The following FSHR variants were observed in gnomAD, a reference collection of about 807,000 sequenced individuals.
The protein encoded by FSHR is follicle-stimulating hormone receptor.
In FSHR, 46 loss-of-function variants were observed where a neutral mutation model predicts 52.1. That is an observed-to-expected ratio of 0.88 (90% CI 0.70 to 1.13). The LOEUF (loss-of-function observed/expected upper bound fraction) is 1.13. Ranked by LOEUF, FSHR falls within the 50% of genes most tolerant of loss-of-function variation. The probability of loss-of-function intolerance (pLI) is 0.00; values close to 1 mark genes in which losing one functional copy is unlikely to be tolerated. For missense variants in FSHR, 964 were observed against 834.6 expected, an observed-to-expected ratio of 1.16 and a Z score of -1.91; for synonymous variants, 399 against 309.6, an observed-to-expected ratio of 1.29 and a Z score of -3.03.
intron 1 of FSHR, among the ~76,000 whole-genome samples, chr2:49,099,304 A>C (rs1431597142): frequency 2.0e-5 from 3 of 152,010 alleles, no homozygotes; most frequent in African/African-American, 7.3e-5. Flanking sequence ...GTGGTTTTAT[A>C]AAGGGTTTCC....
At chr2:49,087,851 G>A (rs766316843) in intron 1 of FSHR, among the ~76,000 whole-genome samples, 3 of 152,182 alleles carry the variant, frequency 2.0e-5, no homozygotes, top group Non-Finnish European at 4.4e-5. Flanking sequence ...TGATAAGACA[G>A]ACACATTTCC....
intron 6 of FSHR, among the ~76,000 whole-genome samples, chr2:48,986,670 T>A (rs1675530249): frequency 6.6e-6 from 1 of 152,184 alleles, no homozygotes; most frequent in African/African-American, 2.4e-5. Context: ...TTCTGAGAGA[T>A]CAGTGTCCAT....
At chr2:49,133,188 C>T (rs1281847217) in intron 1 of FSHR, among the ~76,000 whole-genome samples, 1 of 152,100 alleles carries the variant, frequency 6.6e-6, no homozygotes, top group African/African-American at 2.4e-5. Context: ...CTGCCCGTTG[C>T]TGAGGCTAAG....
At chr2:49,002,453 G>C (rs897568210) in intron 4 of FSHR, among the ~76,000 whole-genome samples, 40 of 152,092 alleles carry the variant, frequency 2.6e-4, no homozygotes, top group African/African-American at 7.5e-4. Flanking sequence ...TTATAAAAGA[G>C]AGAGGTTTAA....
chr2:49,016,923 T>A (rs895999137), intron 4 of FSHR, among the ~76,000 whole-genome samples: 1 of 152,188 alleles, frequency 6.6e-6, no homozygotes, highest in Admixed American at 6.6e-5. Context: ...ATAACACTCA[T>A]GGCTCTGTCA....
intron 6 of FSHR, among the ~76,000 whole-genome samples, chr2:48,984,146 T>C (rs1675380733): frequency 6.6e-6 from 1 of 152,154 alleles, no homozygotes; most frequent in African/African-American, 2.4e-5. Flanking sequence ...TGGGCTGCCA[T>C]GGGTAGCCAG....
chr2:49,002,893 A>T, intron 4 of FSHR, among the ~76,000 whole-genome samples: 1 of 152,100 alleles, frequency 6.6e-6, no homozygotes, highest in East Asian at 1.9e-4. Flanking sequence ...ATCTGTGTCT[A>T]TGTGGCTCCT....
intron 8 of FSHR, among the ~76,000 whole-genome samples, chr2:48,977,073 C>T (rs1398093186): frequency 6.6e-6 from 1 of 152,082 alleles, no homozygotes; most frequent in Non-Finnish European, 1.5e-5. Context: ...GCATGTTCTG[C>T]ACATGTATCC....
intron 1 of FSHR, among the ~76,000 whole-genome samples, chr2:49,129,793 C>T (rs182859113): frequency 9.2e-5 from 14 of 152,264 alleles, no homozygotes; most frequent in African/African-American, 2.9e-4. Flanking sequence ...AGAATCCTGA[C>T]GCGCCTTCAA....
chr2:48,965,414 T>A (rs1674428858), intron 9 of FSHR, among the ~76,000 whole-genome samples: 1 of 152,128 alleles, frequency 6.6e-6, no homozygotes, highest in Non-Finnish European at 1.5e-5. Flanking sequence ...ATACACAGAA[T>A]TGAAAGTGAA....
In FSHR at chr2:49,039,861, C is replaced by A. The variant is rs558413966; in HGVS notation, c.225-19701G>T. Among the ~76,000 whole-genome samples the A allele has an allele frequency of 2.6e-5, 4 of 151,824 alleles. No individual in the cohort carries two copies. In the South Asian group the frequency reaches 6.2e-4, roughly 24 times the overall value. Reference sequence around the variant, plus strand: ...GGAAAGCTGTTCATCAAAATATTAACCATGGATATCTTATGGTGGAATTAT... The same window carrying A: ...GGAAAGCTGTTCATCAAAATATTAAACATGGATATCTTATGGTGGAATTAT... On this transcript the variant is annotated intron_variant, in intron 2 of 9. Transcript: ENST00000406846.
chr2:49,122,726 T>G (rs1312999496), intron 1 of FSHR, among the ~76,000 whole-genome samples: 2 of 152,178 alleles, frequency 1.3e-5, no homozygotes, highest in Non-Finnish European at 2.9e-5. Context: ...ATATGGAAGC[T>G]ATTATTCTCT....
intron 4 of FSHR, among the ~76,000 whole-genome samples, chr2:49,013,319 G>C (rs528569938): frequency 1.3e-5 from 2 of 151,624 alleles, no homozygotes; most frequent in Non-Finnish European, 2.9e-5. Flanking sequence ...AAGCTAACTA[G>C]TGTGAGGTGG....
At chr2:49,071,000 C>T (rs1438330727) in intron 1 of FSHR, among the ~76,000 whole-genome samples, 2 of 151,960 alleles carry the variant, frequency 1.3e-5, no homozygotes, top group Non-Finnish European at 2.9e-5. Flanking sequence ...ACCAAGGAAC[C>T]CTGGGGGAGT....
chr2:49,049,208 AT>A (rs1175396874), intron 2 of FSHR, among the ~76,000 whole-genome samples: 3 of 151,848 alleles, frequency 2.0e-5, no homozygotes, highest in Non-Finnish European at 4.4e-5. Flanking sequence ...AGGCCAATTC[AT>A]TTTCTGGTAT....
chr2:49,108,804 G>C (rs1443598525), intron 1 of FSHR, among the ~76,000 whole-genome samples: 1 of 152,170 alleles, frequency 6.6e-6, no homozygotes, highest in Non-Finnish European at 1.5e-5. Context: ...ATATGTTTGA[G>C]GGATAGTTAA....
intron 1 of FSHR, among the ~76,000 whole-genome samples, chr2:49,092,259 C>T (rs558263986): frequency 3.3e-5 from 5 of 152,250 alleles, no homozygotes; most frequent in South Asian, 2.1e-4. Context: ...GTTATAAGAG[C>T]GTTTTTTTGG....
In FSHR at chr2:49,080,172, G is replaced by A. The variant is rs111395802; in HGVS notation, c.153-11882C>T. On this transcript the variant is annotated intron_variant, in intron 1 of 9. Transcript: ENST00000406846. ...GACACCTTTATTCACCATTATATTG[G>A]TGAACATTGAAAGGAAAATCCCACA... is the stretch of plus-strand genomic sequence containing the variant. Among the ~76,000 whole-genome samples, 1,362 of 152,246 alleles carry A rather than the reference G, an allele frequency of 8.9e-3. 18 individuals carry two copies. The highest frequency in any genetic ancestry group is 0.034 in the Middle Eastern group (10 of 294).
chr2:49,084,042 A>G (rs999001751), intron 1 of FSHR, among the ~76,000 whole-genome samples: 6 of 151,224 alleles, frequency 4.0e-5, no homozygotes, highest in South Asian at 2.1e-4. Context: ...CAGAATATAC[A>G]TTTTTTTCAG....
Sources: gnomAD v4.1 joint callset for allele counts (sites outside exome capture counted in the v4.1 genomes callset) on GRCh38, gnomAD v4.1.1 for gene constraint, MANE v1.5 for transcripts, NCBI Gene and HGNC (gene_info 2026-07-23, HGNC 2026-07-21) for gene names.